Variants in FUT8 observed in about 807,000 individuals in gnomAD.
FUT8 encodes fucosyltransferase 8, also known as alpha-(1,6)-fucosyltransferase.
Under a neutral mutation model 71.3 loss-of-function variants are expected in FUT8, and 29 were observed. The ratio of observed to expected loss-of-function variants is 0.41; its 90% CI spans 0.30 to 0.55. The LOEUF (loss-of-function observed/expected upper bound fraction) is 0.55, where lower values mean the gene tolerates loss of function less well. FUT8 is among the 20% of genes least tolerant of loss of function. The pLI is 0.34. For synonymous variants in FUT8, 254 were observed against 239.3 expected (o/e 1.06, Z -0.57); for missense variants, 544 against 702.1 (o/e 0.77, Z 2.55).
chr14:65,420,970 G>A (rs2065284612), intron 1 of FUT8, among the ~76,000 whole-genome samples: 1 of 152,072 alleles, frequency 6.6e-6, no homozygotes, highest in Non-Finnish European at 1.5e-5. Flanking sequence ...CAAGGTGGGC[G>A]GATCTTGAGG....
chr14:65,473,037 G>C (rs2066173202), intron 2 of FUT8, among the ~76,000 whole-genome samples: 3 of 151,952 alleles, frequency 2.0e-5, no homozygotes, highest in Admixed American at 6.6e-5. Flanking sequence ...GCAGTCCCAT[G>C]ATCTTAACAT....
At chr14:65,446,939 G>A (rs911994178) in intron 1 of FUT8, among the ~76,000 whole-genome samples, 2 of 151,870 alleles carry the variant, frequency 1.3e-5, no homozygotes, top group African/African-American at 2.4e-5. Flanking sequence ...GAGTAACTGG[G>A]ACTACAGGCA....
At chr14:65,656,942 A>T (rs1359902663) in intron 6 of FUT8, among the ~76,000 whole-genome samples, 3 of 152,188 alleles carry the variant, frequency 2.0e-5, no homozygotes, top group Admixed American at 2.0e-4. Context: ...GGAAAACTGG[A>T]TATCCATATG....
At chr14:65,540,897 C>T (rs1174420780) in intron 2 of FUT8, among the ~76,000 whole-genome samples, 1 of 152,130 alleles carries the variant, frequency 6.6e-6, no homozygotes, top group East Asian at 1.9e-4. Context: ...TGTAATAATT[C>T]AATGACATTT....
chr14:65,708,556 C>A (rs1202004820), intron 7 of FUT8, among the ~76,000 whole-genome samples: 1 of 152,042 alleles, frequency 6.6e-6, no homozygotes, highest in Non-Finnish European at 1.5e-5. Flanking sequence ...TGGATTTTCA[C>A]CTCCTTGGTT....
At chr14:65,676,510 G>A (rs534443780) in intron 7 of FUT8, among the ~76,000 whole-genome samples, 8 of 152,306 alleles carry the variant, frequency 5.3e-5, no homozygotes, top group Admixed American at 2.6e-4. Context: ...AAATTGAGTC[G>A]TGTTTGAAAC....
intron 8 of FUT8, 118 bp from the exon 9 acceptor site, chr14:65,724,029 T>C (rs1158253246): frequency 1.5e-6 from 1 of 667,092 alleles, no homozygotes; most frequent in African/African-American, 1.9e-5. Context: ...ATAGTGAAAA[T>C]GAAAGAAAAA....
chr14:65,559,054 T>C (rs945156786), intron 2 of FUT8, among the ~76,000 whole-genome samples: 4 of 152,210 alleles, frequency 2.6e-5, no homozygotes, highest in Non-Finnish European at 5.9e-5. Context: ...TCAAAATGTA[T>C]GTTTCTGTAA....
intron 2 of FUT8, among the ~76,000 whole-genome samples, chr14:65,511,490 G>A (rs1275627699): frequency 6.6e-6 from 1 of 151,776 alleles, no homozygotes; most frequent in African/African-American, 2.4e-5. Context: ...AAAGTGGGAT[G>A]TTGAAATCTC....
At chr14:65,695,525 C>A (rs1294183240) in intron 7 of FUT8, among the ~76,000 whole-genome samples, 1 of 152,064 alleles carries the variant, frequency 6.6e-6, no homozygotes, top group African/African-American at 2.4e-5. Flanking sequence ...CTGAAATCTA[C>A]TTTATTTGAA....
At chr14:65,439,574 A>G (rs2139474935) in intron 1 of FUT8, among the ~76,000 whole-genome samples, 1 of 152,226 alleles carries the variant, frequency 6.6e-6, no homozygotes, top group Admixed American at 6.5e-5. Context: ...TTCCTTTCTT[A>G]CTTTGAAGGG....
chr14:65,735,040 T>C (rs1206905299), intron 10 of FUT8, among the ~76,000 whole-genome samples: 1 of 152,174 alleles, frequency 6.6e-6, no homozygotes, highest in African/African-American at 2.4e-5. Context: ...ACTACAGTTC[T>C]AGTCACAAGA....
chr14:65,472,888 CATT>C lies in FUT8; in HGVS notation c.-228+17171_-228+17173del, dbSNP rs778241656. Among the ~76,000 whole-genome samples, 73 of 152,124 alleles carry C rather than the reference CATT, an allele frequency of 4.8e-4. No homozygotes were observed. The highest frequency in any genetic ancestry group is 6.0e-4 in the Non-Finnish European group (41 of 67,970). On this transcript the variant is annotated intron_variant, in intron 2 of 10. Coordinates refer to ENST00000673929, the MANE Select transcript of FUT8 (RefSeq NM_001371533.1). This position sits in a 1 kb window ranked among gnomAD's most constrained non-coding sequence, Gnocchi z 4.4. Reference sequence around the variant, plus strand: ...TAGTAGAAATTGAAGTAGAAAAAGACATTGTTGTAAATTAAATGTAAGATATAA... The same window carrying C: ...TAGTAGAAATTGAAGTAGAAAAAGACGTTGTAAATTAAATGTAAGATATAA...
chr14:65,576,770 A>AGT (rs370667022), intron 3 of FUT8, among the ~76,000 whole-genome samples: 21 of 126,650 alleles, frequency 1.7e-4, no homozygotes, highest in African/African-American at 6.7e-4. Context: ...GCCAGGATGG[A>AGT]GTGTAATGGC....
At chr14:65,672,545 G>A (rs1258590334) in intron 7 of FUT8, among the ~76,000 whole-genome samples, 3 of 152,176 alleles carry the variant, frequency 2.0e-5, no homozygotes, top group East Asian at 1.9e-4. Flanking sequence ...CTGCAGCCTC[G>A]AACTCCTGGG....
chr14:65,363,609 G>A, the FUT8 span, among the ~76,000 whole-genome samples: 1 of 152,276 alleles, frequency 6.6e-6, no homozygotes, highest in East Asian at 1.9e-4. Context: ...CCTCATGTGA[G>A]AGATGCCCTC....
At chr14:65,584,378 C>T (rs1887262578) in intron 3 of FUT8, among the ~76,000 whole-genome samples, 1 of 152,122 alleles carries the variant, frequency 6.6e-6, no homozygotes, top group Non-Finnish European at 1.5e-5. Flanking sequence ...CGGGGTTTCG[C>T]CATGTTGGCC....
chr14:65,422,986 T>TTC (rs1474733067), intron 1 of FUT8, among the ~76,000 whole-genome samples: 1 of 106,724 alleles, frequency 9.4e-6, no homozygotes, highest in East Asian at 5.2e-4. Context: ...CTTTCTTTCT[T>TTC]TTTTTTTTTT....
At chr14:65,438,997 T>C (rs1366696200) in intron 1 of FUT8, among the ~76,000 whole-genome samples, 1 of 152,242 alleles carries the variant, frequency 6.6e-6, no homozygotes, top group Non-Finnish European at 1.5e-5. Context: ...AAGAACGATG[T>C]GTCCATTAAG....
Sources: gnomAD v4.1 joint callset for allele counts (sites outside exome capture counted in the v4.1 genomes callset) on GRCh38, gnomAD v4.1.1 for gene constraint, Gnocchi (gnomAD v3.1) non-coding constraint, MANE v1.5 for transcripts, NCBI Gene and HGNC (gene_info 2026-07-23, HGNC 2026-07-21) for gene names.